SLX9: variants seen among roughly 807,000 people sequenced by gnomAD.
SLX9 encodes ribosome biogenesis protein SLX9 homolog.
Under a neutral mutation model 20.8 loss-of-function variants are expected in SLX9, and 19 were observed. The observed-to-expected ratio is 0.91, with a 90% CI of 0.64 to 1.34. The LOEUF is 1.34. Among genes scored for constraint, SLX9 ranks in the 40% most tolerant of loss-of-function variants. The pLI, the probability that SLX9 is intolerant of heterozygous loss-of-function variation, is 0.00. For missense variants in SLX9, 299 were observed against 322.2 expected, an observed-to-expected ratio of 0.93 and a Z score of 0.55; for synonymous variants, 113 against 137.1, an observed-to-expected ratio of 0.82 and a Z score of 1.23.
intron 4 of SLX9, 46 bp downstream of exon 4, chr21:44,967,227 C>A (rs774732123): frequency 6.5e-7 from 1 of 1,530,694 alleles, no homozygotes; most frequent in Non-Finnish European, 8.8e-7. Context: ...TGGGGCTGAC[C>A]CGGGTCCAGA....
At chr21:44,940,771 GTGTAGGTTAA>G (rs1314531231) in intron 1 of SLX9, among the ~76,000 whole-genome samples, 2 of 151,682 alleles carry the variant, frequency 1.3e-5, no homozygotes, top group African/African-American at 4.8e-5. Context: ...CTTCTTGCGT[GTGTAGGTTAA>G]TGTTTTTCGT....
intron 2 of SLX9, among the ~76,000 whole-genome samples, chr21:44,957,311 C>A (rs1481290046): frequency 6.6e-6 from 1 of 152,216 alleles, no homozygotes; most frequent in Non-Finnish European, 1.5e-5. Flanking sequence ...CCTCAGAGTG[C>A]CTCCCACTGG....
intron 3 of SLX9, among the ~76,000 whole-genome samples, chr21:44,964,834 GGCCTTT>G (rs2085006086): frequency 6.6e-6 from 1 of 152,036 alleles, no homozygotes; most frequent in South Asian, 2.1e-4. Flanking sequence ...TGTATTTTTT[GGCCTTT>G]GATTCCTCTT....
At chr21:44,939,922 C>A, upstream of SLX9, 4 of 936,582 alleles carry the variant, frequency 4.3e-6, no homozygotes, top group South Asian at 2.2e-5. Context: ...ACCCTGCGCC[C>A]GCCCGAGCCG....
At chr21:44,959,357 C>A in intron 2 of SLX9, 1 of 674,660 alleles carries the variant, frequency 1.5e-6, no homozygotes, top group Non-Finnish European at 1.8e-6. Flanking sequence ...AATGGGGGTG[C>A]CCTTGAGTCC....
chr21:44,962,919 A>G (rs557870533), intron 3 of SLX9, among the ~76,000 whole-genome samples: 6 of 152,214 alleles, frequency 3.9e-5, no homozygotes, highest in Admixed American at 2.0e-4. Context: ...GAGCATTTAC[A>G]TGTGCTTACT....
chr21:44,948,423 G>C (rs576162991), intron 2 of SLX9, among the ~76,000 whole-genome samples: 1 of 151,902 alleles, frequency 6.6e-6, no homozygotes, highest in Non-Finnish European at 1.5e-5. Flanking sequence ...GGAGCACCGG[G>C]CGTCTGGGGA....
chr21:44,940,131 GC>G lies in SLX9; in HGVS notation c.78del (p.Ala27ArgfsTer32). The G allele has an allele frequency of 1.5e-6, 2 of 1,354,400 alleles. No individual in the cohort carries two copies. Among genetic ancestry groups the G allele is most frequent in the Admixed American group, 6.9e-5 (2 of 29,044 alleles). The allele number at this position is 1,354,400 out of a possible 1,614,324, so 83.9% of individuals were successfully genotyped here. A position where few individuals can be genotyped will look rare whatever the true frequency, so the allele number is the denominator to read the frequency against. ...AVRPKGEAAP[G>X]PAPPAPEATP... ...AGGCCGAAAGGGGAGGCCGCCCCCG[GC>G]CCCGCGCCCCCTGCCCCGGAGGCGA... is the stretch of plus-strand genomic sequence containing the variant. On this transcript the variant is annotated frameshift_variant, in exon 1 of 6. Transcript: ENST00000291634. LOFTEE classifies it high-confidence loss of function.
At chr21:44,958,305 G>A (rs1244559434) in intron 2 of SLX9, 1 of 152,570 alleles carries the variant, frequency 6.6e-6, no homozygotes, top group African/African-American at 2.4e-5. Context: ...CTTGCTTGAG[G>A]CCCAGCATCT....
intron 5 of SLX9, among the ~76,000 whole-genome samples, chr21:44,976,328 CCCG>C (rs2085261728): frequency 6.6e-6 from 1 of 152,080 alleles, no homozygotes; most frequent in Non-Finnish European, 1.5e-5. Flanking sequence ...ATTTTGGTTG[CCCG>C]TGGAGGGAGC....
At chr21:44,964,758 T>A (rs2085004641) in intron 3 of SLX9, among the ~76,000 whole-genome samples, 1 of 152,262 alleles carries the variant, frequency 6.6e-6, no homozygotes, top group Admixed American at 6.5e-5. Flanking sequence ...ATGAAACATT[T>A]AAAAATTTGC....
intron 2 of SLX9, among the ~76,000 whole-genome samples, chr21:44,957,797 G>C (rs917543952): frequency 6.6e-5 from 10 of 152,228 alleles, no homozygotes; most frequent in African/African-American, 2.2e-4. Flanking sequence ...TCAGCCACTG[G>C]CTGGGGTTCT....
At chr21:44,956,069 C>T (rs961706760) in intron 2 of SLX9, among the ~76,000 whole-genome samples, 26 of 152,244 alleles carry the variant, frequency 1.7e-4, no homozygotes, top group Non-Finnish European at 5.9e-5. Context: ...AGGCTACATT[C>T]AGCCTTCATC....
intron 2 of SLX9, among the ~76,000 whole-genome samples, chr21:44,946,378 G>A (rs904522938): frequency 2.6e-5 from 4 of 152,344 alleles, no homozygotes; most frequent in African/African-American, 4.8e-5. Context: ...CCGTTCTGGC[G>A]CTTCCTGCTT....
At chr21:44,947,808 C>T (rs962190752) in intron 2 of SLX9, among the ~76,000 whole-genome samples, 20 of 152,314 alleles carry the variant, frequency 1.3e-4, no homozygotes, top group African/African-American at 2.9e-4. Flanking sequence ...GTCCCCTCCC[C>T]GCCCCAGCTC....
intron 4 of SLX9, chr21:44,969,087 C>G (rs1020275988): frequency 2.2e-6 from 1 of 445,964 alleles, no homozygotes; most frequent in East Asian, 7.3e-5. Flanking sequence ...TTTCTTTCTC[C>G]TACTAACTTT....
chr21:44,956,042 G>A (rs1001283287), intron 2 of SLX9, among the ~76,000 whole-genome samples: 11 of 152,244 alleles, frequency 7.2e-5, no homozygotes, highest in Non-Finnish European at 1.0e-4. Context: ...TGTAAAATGC[G>A]CGGCTTTTCA....
At chr21:44,942,961 T>G (rs2084576037) in intron 1 of SLX9, among the ~76,000 whole-genome samples, 1 of 152,200 alleles carries the variant, frequency 6.6e-6, no homozygotes, top group Non-Finnish European at 1.5e-5. Flanking sequence ...TATGCCCTCT[T>G]GGTACCTGCT....
chr21:44,964,780 G>A (rs2085005135), intron 3 of SLX9, among the ~76,000 whole-genome samples: 2 of 152,206 alleles, frequency 1.3e-5, no homozygotes, highest in South Asian at 4.1e-4. Flanking sequence ...AGTCTATGAG[G>A]TGCAACATTT....
Sources: gnomAD v4.1 joint callset for allele counts (sites outside exome capture counted in the v4.1 genomes callset) on GRCh38, gnomAD v4.1.1 for gene constraint, MANE v1.5 for transcripts, NCBI Gene and HGNC (gene_info 2026-07-23, HGNC 2026-07-21) for gene names.